The following ZFYVE28 variants were observed in gnomAD, a reference collection of about 807,000 sequenced individuals.
ZFYVE28 encodes zinc finger FYVE-type containing 28, also known as lateral signaling target protein 2 homolog.
Under a neutral mutation model 82.1 loss-of-function variants are expected in ZFYVE28, and 40 were observed. The observed-to-expected ratio is 0.49, with a 90% confidence interval of 0.38 to 0.63. ZFYVE28 has a LOEUF of 0.63. ZFYVE28 is among the 30% of genes least tolerant of loss of function. ZFYVE28 has a pLI of 0.00. For synonymous variants in ZFYVE28, 612 were observed against 546.1 expected, an observed-to-expected ratio of 1.12 and a Z score of -1.68; for missense variants, 1,321 against 1,242.1, an observed-to-expected ratio of 1.06 and a Z score of -0.96.
Position 2,379,673 on chromosome 4 carries a change from T to C in ZFYVE28, c.40-25600A>G, listed in dbSNP as rs947406232. On this transcript the variant is annotated intron_variant, in intron 1 of 12. Coordinates refer to ENST00000290974, the MANE Select transcript of ZFYVE28 (RefSeq NM_020972.3). ...CCTCCCTCCTGTAATTTTATCCTCA[T>C]GGGATACATTTCTATGCTTCAAAGT... is the stretch of plus-strand genomic sequence containing the variant. Among the ~76,000 whole-genome samples, 6 of 152,336 alleles carry C rather than the reference T, an allele frequency of 3.9e-5. No individual in the cohort carries two copies. In the East Asian group the frequency reaches 1.2e-3, roughly 29 times the overall value.
At position 2,335,099 on chromosome 4, in the gene ZFYVE28, T is replaced by A. The variant is rs1037180811; in HGVS notation, c.701+606A>T. Among the ~76,000 whole-genome samples, 3 of 151,252 alleles carry A rather than the reference T, an allele frequency of 2.0e-5. No individual in the cohort carries two copies. In the East Asian group the frequency reaches 5.9e-4, roughly 30 times the overall value. On this transcript the variant is annotated intron_variant, in intron 6 of 12. Transcript: ENST00000290974. This position sits in a 1 kb window ranked among gnomAD's most constrained non-coding sequence, Gnocchi z 5.8. ...TGAGCTTCCATGTGCTGTGTTCACG[T>A]CCTTGAGCCCCACAGGACCCTACAG...
intron 2 of ZFYVE28, among the ~76,000 whole-genome samples, chr4:2,351,911 T>C (rs767434103): frequency 9.2e-5 from 14 of 152,168 alleles, no homozygotes; most frequent in Non-Finnish European, 1.8e-4. Flanking sequence ...AAAATTGACA[T>C]GTAATAGCAA....
chr4:2,417,354 C>G lies in ZFYVE28; in HGVS notation c.39+931G>C, dbSNP rs1464249291. 1.3e-5 allele frequency among the ~76,000 whole-genome samples: 2 copies of G among 151,720 alleles called. No individual in the cohort carries two copies. The highest frequency in any genetic ancestry group is 2.4e-5 in the African/African-American group (1 of 41,402). On this transcript the variant is annotated intron_variant, in intron 1 of 12. Transcript: ENST00000290974. This position sits in a 1 kb window ranked among gnomAD's most constrained non-coding sequence, Gnocchi z 4.8. ...GCCTTCATCCCGCGCCGAGCGCGCCCGGCCCTGCTCCGGCTGCAGCGGGCA... is the reference window on the plus strand; with the variant it reads ...GCCTTCATCCCGCGCCGAGCGCGCCGGGCCCTGCTCCGGCTGCAGCGGGCA...
intron 8 of ZFYVE28, among the ~76,000 whole-genome samples, chr4:2,276,881 TGTTGGTGACA>T (rs1465701654): frequency 2.6e-5 from 4 of 152,112 alleles, no homozygotes; most frequent in Admixed American, 2.6e-4. Flanking sequence ...GCGGAGATGA[TGTTGGTGACA>T]GTTGCACGGC....
At chr4:2,273,048 C>G in intron 10 of ZFYVE28, 125 bp downstream of exon 10, 1 of 770,258 alleles carries the variant, frequency 1.3e-6, no homozygotes, top group South Asian at 1.7e-5. Context: ...CTGGGGTCGA[C>G]GATTGCTTGG....
chr4:2,375,167 C>T (rs1240459447), intron 1 of ZFYVE28, among the ~76,000 whole-genome samples: 6 of 152,224 alleles, frequency 3.9e-5, no homozygotes, highest in East Asian at 1.9e-4. Context: ...TGGCAAAATG[C>T]GGAGCCACCG....
chr4:2,365,654 T>C (rs767862575), intron 1 of ZFYVE28, among the ~76,000 whole-genome samples: 1 of 152,120 alleles, frequency 6.6e-6, no homozygotes, highest in African/African-American at 2.4e-5. Flanking sequence ...CCACTCATGC[T>C]GGAAGACGGC....
chr4:2,400,070 C>T (rs764567032), intron 1 of ZFYVE28, among the ~76,000 whole-genome samples: 3 of 152,206 alleles, frequency 2.0e-5, no homozygotes, highest in African/African-American at 4.8e-5. Flanking sequence ...GGTCCTTCCC[C>T]GGAGCTCCTC....
intron 8 of ZFYVE28, among the ~76,000 whole-genome samples, chr4:2,297,304 C>G (rs573684295): frequency 3.3e-5 from 5 of 152,200 alleles, no homozygotes; most frequent in Non-Finnish European, 5.9e-5. Flanking sequence ...TCAGCAGGCC[C>G]GGGAGAGCTG....
chr4:2,270,733 C>A lies in ZFYVE28; in HGVS notation c.2656G>T (p.Gly886Cys). 1.2e-6 allele frequency: 2 copies of A among 1,613,152 alleles called. No homozygotes were observed. The highest frequency in any genetic ancestry group is 1.7e-6 in the Non-Finnish European group (2 of 1,179,908). ...HVTPFYSDKA[G>C]L is the part of the protein sequence containing the mutation. ...CTGCCCCTGGCACCACGTCACAGGC[C>A]GGCCTTGTCGCTGTAGAAGGGCGTG... Residue 886 changes from glycine (G) to cysteine (C), a missense_variant, in exon 13 of 13, where the codon GGC (glycine) becomes TGC (cysteine). This residue lies in a region of ZFYVE28 where 978 missense variants were observed against 833.7 expected (regional missense o/e 1.17). Transcript: ENST00000290974.
intron 1 of ZFYVE28, among the ~76,000 whole-genome samples, chr4:2,396,875 G>C (rs113147351): frequency 6.6e-6 from 1 of 152,168 alleles, no homozygotes; most frequent in Non-Finnish European, 1.5e-5. Context: ...GCTTAACTCC[G>C]ACTGACACGG....
chr4:2,405,430 G>A (rs1731771424), intron 1 of ZFYVE28, among the ~76,000 whole-genome samples: 1 of 152,268 alleles, frequency 6.6e-6, no homozygotes, highest in Non-Finnish European at 1.5e-5. Flanking sequence ...GTGGGAGGCT[G>A]CAGATCGACT....
rs997498038 is a variant in ZFYVE28, at chr4:2,409,919, C to T, written c.39+8366G>A. Reference sequence around the variant, plus strand: ...CAGGAAGATGCCCCCGCCAGGTGGCCACAGTCAGCGGGCCAGGCTGGCAGG... The same window carrying T: ...CAGGAAGATGCCCCCGCCAGGTGGCTACAGTCAGCGGGCCAGGCTGGCAGG... On this transcript the variant is annotated intron_variant, in intron 1 of 12. Transcript: ENST00000290974. The surrounding 1 kb of genome is among the most constrained non-coding windows in gnomAD (Gnocchi z 4.4). Among the ~76,000 whole-genome samples the T allele has an allele frequency of 1.3e-5, 2 of 152,218 alleles. No individual in the cohort carries two copies. Among genetic ancestry groups the T allele is most frequent in the Non-Finnish European group, 2.9e-5 (2 of 68,042 alleles).
At chr4:2,398,691 G>GGGGGCCAAGATCCAGTGCACAATA (rs1730764072) in intron 1 of ZFYVE28, among the ~76,000 whole-genome samples, 6 of 28,496 alleles carry the variant, frequency 2.1e-4, no homozygotes, top group Admixed American at 5.2e-4. Context: ...AGGGCACAAT[G>GGGGGCCAAGATCCAGTGCACAATA]GGGGGTCGAG....
intron 6 of ZFYVE28, chr4:2,330,778 G>C: frequency 3.3e-6 from 5 of 1,523,034 alleles, no homozygotes; most frequent in Non-Finnish European, 4.4e-6. Context: ...AGTAGGGATA[G>C]GACAGTCAAG....
intron 1 of ZFYVE28, among the ~76,000 whole-genome samples, chr4:2,383,936 T>C (rs1175275873): frequency 1.3e-5 from 2 of 152,004 alleles, no homozygotes; most frequent in East Asian, 1.9e-4. Context: ...TCACACAGGG[T>C]CATCACTCAC....
At position 2,269,743 on chromosome 4, in the gene ZFYVE28, G is replaced by C. The variant is rs1039533669; in HGVS notation, c.*982C>G. On this transcript the variant is annotated 3_prime_UTR_variant, in exon 13 of 13. Transcript: ENST00000290974. ...TGCATATGTACTCCACCAGTAAACA[G>C]TAATTAGATTTATCCTAGAAAAGAA... 6.6e-6 allele frequency: 1 copy of C among 152,210 alleles called. No homozygotes were observed. Among genetic ancestry groups the C allele is most frequent in the African/African-American group, 2.4e-5 (1 of 41,430 alleles). 9.4% of individuals were successfully genotyped at this position (152,210 alleles called of 1,614,324 possible).
In ZFYVE28 at chr4:2,339,339, TG is replaced by T; in HGVS notation, c.521+113del. ...ACCCACAGGCGGCCCTGAACCTGCC[TG>T]GCTCCTCCCTCTGTGGAATTTTCCA... is the stretch of plus-strand genomic sequence containing the variant. On this transcript the variant is annotated intron_variant, in intron 4 of 12. Transcript: ENST00000290974. This position sits in a 1 kb window ranked among gnomAD's most constrained non-coding sequence, Gnocchi z 5.0. 7.8e-7 allele frequency: 1 copy of T among 1,275,550 alleles called. No homozygotes were observed. The highest frequency in any genetic ancestry group is 1.1e-6 in the Non-Finnish European group (1 of 918,730). The allele number at this position is 1,275,550 out of a possible 1,614,324, so 79.0% of individuals were successfully genotyped here.
intron 1 of ZFYVE28, among the ~76,000 whole-genome samples, chr4:2,415,450 C>CTA (rs780194202): frequency 3.9e-5 from 2 of 50,982 alleles, no homozygotes; most frequent in Non-Finnish European, 6.4e-5. Flanking sequence ...GACCCTGTCT[C>CTA]TACACACACA....
Sources: gnomAD v4.1 joint callset for allele counts (sites outside exome capture counted in the v4.1 genomes callset) on GRCh38, gnomAD v4.1.1 for gene constraint, gnomAD v4.1.1 regional missense constraint, Gnocchi (gnomAD v3.1) non-coding constraint, MANE v1.5 for transcripts, NCBI Gene and HGNC (gene_info 2026-07-23, HGNC 2026-07-21) for gene names.